FNBP1: variants seen among roughly 807,000 people sequenced by gnomAD.
FNBP1 encodes formin binding protein 1, also known as formin-binding protein 1.
Under a neutral mutation model 90.6 loss-of-function variants are expected in FNBP1, and 26 were observed. The observed-to-expected ratio is 0.29, with a 90% CI of 0.21 to 0.40. FNBP1 has a LOEUF of 0.40. Among genes scored for constraint, FNBP1 ranks in the 10% least tolerant of loss-of-function variants. The pLI is 1.00. For missense variants in FNBP1, 635 were observed against 768.0 expected, an observed-to-expected ratio of 0.83 and a Z score of 2.05; for synonymous variants, 260 against 265.2, an observed-to-expected ratio of 0.98 and a Z score of 0.19.
chr9:129,965,647 A>G (rs1027455367), intron 4 of FNBP1, among the ~76,000 whole-genome samples: 1 of 151,926 alleles, frequency 6.6e-6, no homozygotes, highest in Non-Finnish European at 1.5e-5. Context: ...GTTTGAGACC[A>G]GCCTGGGTAA....
At chr9:130,052,455 C>T in the FNBP1 span, among the ~76,000 whole-genome samples, 1 of 151,830 alleles carries the variant, frequency 6.6e-6, no homozygotes, top group Non-Finnish European at 1.5e-5. Context: ...TTTATTGAGA[C>T]AGAGTCTCAC....
chr9:129,910,186 G>A (rs932134336), intron 11 of FNBP1: 1 of 456,160 alleles, frequency 2.2e-6, no homozygotes, highest in Admixed American at 2.3e-5. Context: ...TGTTCATAAA[G>A]AGAGAGAAAT....
intron 7 of FNBP1, among the ~76,000 whole-genome samples, chr9:129,928,889 G>C (rs900387672): frequency 1.3e-5 from 2 of 152,080 alleles, no homozygotes; most frequent in Non-Finnish European, 2.9e-5. Context: ...CCAGGAATTT[G>C]AGACCATCCT....
intron 1 of FNBP1, among the ~76,000 whole-genome samples, chr9:130,019,619 G>A (rs904896093): frequency 5.3e-5 from 8 of 152,114 alleles, no homozygotes; most frequent in African/African-American, 1.9e-4. Flanking sequence ...ATAGTTAACT[G>A]GAAAGAAATA....
intron 1 of FNBP1, among the ~76,000 whole-genome samples, chr9:130,001,923 G>C (rs2054909586): frequency 6.6e-6 from 1 of 151,804 alleles, no homozygotes; most frequent in Non-Finnish European, 1.5e-5. Context: ...AGCTACTCAG[G>C]AGGCTGAGGC....
intron 1 of FNBP1, among the ~76,000 whole-genome samples, chr9:130,034,352 G>A (rs1053793110): frequency 1.3e-5 from 2 of 150,530 alleles, no homozygotes; most frequent in East Asian, 1.9e-4. Flanking sequence ...GCGTGGTAGT[G>A]TACACCTGTG....
At chr9:129,977,181 C>T (rs1340394221) in intron 4 of FNBP1, among the ~76,000 whole-genome samples, 1 of 151,964 alleles carries the variant, frequency 6.6e-6, no homozygotes, top group East Asian at 1.9e-4. Flanking sequence ...AATGTTATCA[C>T]TGGCCAACGT....
intron 4 of FNBP1, among the ~76,000 whole-genome samples, chr9:129,960,177 G>A (rs1476686194): frequency 6.6e-6 from 1 of 151,846 alleles, no homozygotes; most frequent in African/African-American, 2.4e-5. Flanking sequence ...AGGAGTTTGA[G>A]ACTAGCCTGG....
intron 1 of FNBP1, among the ~76,000 whole-genome samples, chr9:130,012,824 G>A (rs2131711514): frequency 6.6e-6 from 1 of 151,962 alleles, no homozygotes; most frequent in East Asian, 1.9e-4. Context: ...TATTTTTAGT[G>A]GAGACAGGGT....
At chr9:129,892,395 ACACACACACACACACACAC>A (rs1476742135) in intron 16 of FNBP1, among the ~76,000 whole-genome samples, 4 of 144,896 alleles carry the variant, frequency 2.8e-5, no homozygotes, top group African/African-American at 7.7e-5. Context: ...ACACACACAC[ACACACACACACACACACAC>A]ACAAAAAGGT....
At chr9:129,981,008 G>A (rs1308963927) in intron 2 of FNBP1, among the ~76,000 whole-genome samples, 5 of 145,700 alleles carry the variant, frequency 3.4e-5, no homozygotes, top group Admixed American at 2.8e-4. Flanking sequence ...CTGAGATCGC[G>A]CCACTGCACT....
At chr9:129,895,624 TCAG>T in intron 16 of FNBP1, 1 of 1,238,208 alleles carries the variant, frequency 8.1e-7, no homozygotes, top group Non-Finnish European at 1.0e-6. Context: ...TAAAATTTCA[TCAG>T]CAAGTGAAAC....
At chr9:130,009,463 A>G (rs1264022607) in intron 1 of FNBP1, among the ~76,000 whole-genome samples, 1 of 152,008 alleles carries the variant, frequency 6.6e-6, no homozygotes, top group Non-Finnish European at 1.5e-5. Flanking sequence ...GGAGTTTGAG[A>G]CCAGCCTGGC....
chr9:130,041,093 T>C lies in FNBP1; in HGVS notation c.24+1859A>G, dbSNP rs1263096087. 6.6e-6 allele frequency among the ~76,000 whole-genome samples: 1 copy of C among 151,040 alleles called. No individual in the cohort carries two copies. Among genetic ancestry groups the C allele is most frequent in the Non-Finnish European group, 1.5e-5 (1 of 67,832 alleles). On this transcript the variant is annotated intron_variant, in intron 1 of 16. Coordinates refer to ENST00000446176, the MANE Select transcript of FNBP1 (RefSeq NM_015033.3). The surrounding 1 kb of genome is among the most constrained non-coding windows in gnomAD (Gnocchi z 4.3). ...CCCAAAAGATCCTCCCGACTCAGCC[T>C]CCCAAGGTGCTGGCAATATAGGCCT... is the stretch of plus-strand genomic sequence containing the variant.
chr9:129,999,432 CA>C (rs2054504707), intron 1 of FNBP1, among the ~76,000 whole-genome samples: 1 of 151,902 alleles, frequency 6.6e-6, no homozygotes, highest in South Asian at 2.1e-4. Context: ...CTCATCTCTA[CA>C]AAAGAAAAAC....
At chr9:130,024,911 G>A (rs938796411) in intron 1 of FNBP1, among the ~76,000 whole-genome samples, 1 of 152,148 alleles carries the variant, frequency 6.6e-6, no homozygotes. Flanking sequence ...GATGCCAGGC[G>A]GCTCACGCTT....
At chr9:130,014,817 T>G (rs2057052336) in intron 1 of FNBP1, among the ~76,000 whole-genome samples, 1 of 152,018 alleles carries the variant, frequency 6.6e-6, no homozygotes, top group Non-Finnish European at 1.5e-5. Flanking sequence ...AGCTATTACA[T>G]AAAGTATTGA....
In FNBP1 at chr9:129,891,699, G is replaced by T. The variant is rs2035123496; in HGVS notation, c.1847-1153C>A. On this transcript the variant is annotated intron_variant, in intron 16 of 16. Coordinates refer to ENST00000446176, the MANE Select transcript of FNBP1 (RefSeq NM_015033.3). The stretch of plus-strand genomic sequence containing the variant: ...AACACAGACTTCTCAGGCCCTGAGT[G>T]CACGCAAGATCAGAAACAGGGGAGG... Among the ~76,000 whole-genome samples the T allele has an allele frequency of 2.0e-5, 3 of 152,182 alleles. No homozygotes were observed. In the South Asian group the frequency reaches 6.2e-4, roughly 32 times the overall value.
At chr9:130,029,207 G>T (rs2058602138) in intron 1 of FNBP1, among the ~76,000 whole-genome samples, 1 of 151,750 alleles carries the variant, frequency 6.6e-6, no homozygotes, top group African/African-American at 2.4e-5. Flanking sequence ...CCAGCCTGGA[G>T]TGCAGTGGTG....
Sources: allele counts gnomAD v4.1 joint callset (sites outside exome capture counted in the v4.1 genomes callset), GRCh38; gene constraint gnomAD v4.1.1; non-coding constraint Gnocchi (gnomAD v3.1); transcripts MANE v1.5; gene names NCBI Gene and HGNC (gene_info 2026-07-23, HGNC 2026-07-21).